P3H2: variants seen among roughly 807,000 people sequenced by gnomAD.
P3H2 encodes the protein prolyl 3-hydroxylase 2.
Under a neutral mutation model 87.0 loss-of-function variants are expected in P3H2, and 80 were observed. The ratio of observed to expected loss-of-function variants is 0.92; its 90% CI spans 0.77 to 1.11. P3H2 has a LOEUF of 1.11. Among genes scored for constraint, P3H2 ranks in the 50% least tolerant of loss-of-function variants. The pLI is 0.00. For missense variants in P3H2, 1,001 were observed against 923.9 expected, an observed-to-expected ratio of 1.08 and a Z score of -1.08; for synonymous variants, 367 against 359.3, an observed-to-expected ratio of 1.02 and a Z score of -0.24.
At chr3:190,097,186 T>C (rs1727613523) in intron 1 of P3H2, among the ~76,000 whole-genome samples, 1 of 152,210 alleles carries the variant, frequency 6.6e-6, no homozygotes, top group Admixed American at 6.5e-5. Flanking sequence ...TCCTTCTCAC[T>C]GTAATTCTCA....
chr3:189,957,430 C>T lies in P3H2; in HGVS notation c.*482G>A. The T allele has an allele frequency of 5.5e-6, 2 of 360,580 alleles. No homozygotes were observed. The highest frequency in any genetic ancestry group is 9.7e-6 in the Non-Finnish European group (2 of 206,928). The allele number at this position is 360,580 out of a possible 1,614,324, so 22.3% of individuals were successfully genotyped here. A position where few individuals can be genotyped will look rare whatever the true frequency, so the allele number is the denominator to read the frequency against. On this transcript the variant is annotated 3_prime_UTR_variant, in exon 15 of 15. Coordinates refer to ENST00000319332, the MANE Select transcript of P3H2 (RefSeq NM_018192.4). ...TATTCTCTCTAAGCTTTTGAATTTG[C>T]AGCAACTTAATTGTGTGTGTGTGTG...
At chr3:189,960,269 A>C (rs923041717) in intron 14 of P3H2, among the ~76,000 whole-genome samples, 3 of 151,942 alleles carry the variant, frequency 2.0e-5, no homozygotes, top group Non-Finnish European at 4.4e-5. Flanking sequence ...CATTTTCCAC[A>C]CATCATTGGT....
In P3H2 at chr3:190,052,073, A is replaced by AT. The variant is rs1725999750; in HGVS notation, c.481-56632dup. Among the ~76,000 whole-genome samples the AT allele has an allele frequency of 2.0e-5, 3 of 152,290 alleles. No individual in the cohort carries two copies. In the East Asian group the frequency reaches 5.8e-4, roughly 29 times the overall value. ...AGTGGAGAAATAGAATAAACAAATC[A>AT]TTTTTAAAATAAATTTTACTTTAAG... On this transcript the variant is annotated intron_variant, in intron 1 of 14. Transcript: ENST00000319332.
intron 1 of P3H2, among the ~76,000 whole-genome samples, chr3:190,109,142 T>C (rs1302521626): frequency 6.6e-6 from 1 of 152,242 alleles, no homozygotes; most frequent in Non-Finnish European, 1.5e-5. Context: ...AACATCCTAC[T>C]TTTCTTTCGT....
chr3:189,995,060 ATTT>A (rs1211929059), intron 2 of P3H2, among the ~76,000 whole-genome samples: 1 of 151,976 alleles, frequency 6.6e-6, no homozygotes, highest in African/African-American at 2.4e-5. Context: ...AAAATTTTTA[ATTT>A]TTTAGTTTTT....
intron 1 of P3H2, among the ~76,000 whole-genome samples, chr3:190,071,687 TAA>T (rs1455271919): frequency 6.6e-6 from 1 of 152,120 alleles, no homozygotes; most frequent in Non-Finnish European, 1.5e-5. Context: ...CTGCAGATGT[TAA>T]AGAGTCATTT....
intron 1 of P3H2, among the ~76,000 whole-genome samples, chr3:190,050,109 T>C (rs945022158): frequency 1.3e-5 from 2 of 152,178 alleles, no homozygotes; most frequent in South Asian, 2.1e-4. Context: ...TCATCCAGTC[T>C]CTGATTAAAT....
chr3:190,078,929 T>C (rs959301416), intron 1 of P3H2, among the ~76,000 whole-genome samples: 2 of 152,178 alleles, frequency 1.3e-5, no homozygotes, highest in Non-Finnish European at 2.9e-5. Context: ...AAGGACTGTT[T>C]ACACGAGACT....
chr3:190,022,785 G>A (rs2108941533), intron 1 of P3H2, among the ~76,000 whole-genome samples: 1 of 152,160 alleles, frequency 6.6e-6, no homozygotes, highest in East Asian at 1.9e-4. Context: ...CTCCTCCGAA[G>A]TTTCCGATTA....
chr3:189,973,856 A>T, intron 10 of P3H2, 53 bp downstream of exon 10: 1 of 1,332,994 alleles, frequency 7.5e-7, no homozygotes, highest in Non-Finnish European at 1.1e-6. Context: ...CCATTTACAG[A>T]AGCCTTAGGC....
intron 1 of P3H2, among the ~76,000 whole-genome samples, chr3:190,115,842 T>A (rs1402303461): frequency 1.3e-5 from 2 of 152,154 alleles, no homozygotes; most frequent in Admixed American, 1.3e-4. Flanking sequence ...CACCCCCTGT[T>A]TTAGGTATTT....
intron 1 of P3H2, among the ~76,000 whole-genome samples, chr3:190,085,814 T>C (rs1207632708): frequency 6.6e-6 from 1 of 152,206 alleles, no homozygotes; most frequent in African/African-American, 2.4e-5. Flanking sequence ...GTTGATAATA[T>C]TCTCTTTACC....
Position 189,957,845 on chromosome 3 carries a change from A to C in P3H2, c.*67T>G. The C allele has an allele frequency of 8.9e-7, 1 of 1,128,036 alleles. No homozygotes were observed. Among genetic ancestry groups the C allele is most frequent in the East Asian group, 2.5e-5 (1 of 40,498 alleles). The allele number at this position is 1,128,036 out of a possible 1,614,324, so 69.9% of individuals were successfully genotyped here. ...TTAATTTATACCATGGCTCTGTACAAAAATAAAAAGGTTCTCATAAGATTA... is the reference window on the plus strand; with the variant it reads ...TTAATTTATACCATGGCTCTGTACACAAATAAAAAGGTTCTCATAAGATTA... On this transcript the variant is annotated 3_prime_UTR_variant, in exon 15 of 15. Transcript: ENST00000319332.
intron 1 of P3H2, among the ~76,000 whole-genome samples, chr3:190,009,507 T>C (rs1724523639): frequency 6.6e-6 from 1 of 152,168 alleles, no homozygotes; most frequent in South Asian, 2.1e-4. Flanking sequence ...ACCTGCATAC[T>C]CACACTCCAG....
intron 1 of P3H2, among the ~76,000 whole-genome samples, chr3:190,079,530 T>G (rs1240240003): frequency 6.6e-6 from 1 of 152,160 alleles, no homozygotes; most frequent in Non-Finnish European, 1.5e-5. Context: ...AGAATCATTT[T>G]AGATATATGC....
intron 1 of P3H2, among the ~76,000 whole-genome samples, chr3:190,042,491 T>C (rs540596958): frequency 2.6e-5 from 4 of 152,220 alleles, no homozygotes; most frequent in South Asian, 4.1e-4. Context: ...CACAGGCATA[T>C]TGTGGAATAT....
chr3:190,076,812 G>A (rs1281704050), intron 1 of P3H2, among the ~76,000 whole-genome samples: 3 of 152,092 alleles, frequency 2.0e-5, no homozygotes, highest in African/African-American at 7.2e-5. Flanking sequence ...ACTGCAAAAA[G>A]TCTAGACTCT....
chr3:190,097,698 T>C (rs905316838), intron 1 of P3H2, among the ~76,000 whole-genome samples: 7 of 152,222 alleles, frequency 4.6e-5, no homozygotes, highest in African/African-American at 1.7e-4. Context: ...GATATTATCA[T>C]AAGAATTCAA....
intron 1 of P3H2, among the ~76,000 whole-genome samples, chr3:190,035,033 G>A (rs1417559475): frequency 1.3e-5 from 2 of 151,698 alleles, no homozygotes; most frequent in Non-Finnish European, 2.9e-5. Context: ...ATTATTATTA[G>A]AGACAGTGTT....
Sources: allele counts gnomAD v4.1 joint callset (sites outside exome capture counted in the v4.1 genomes callset), GRCh38; gene constraint gnomAD v4.1.1; transcripts MANE v1.5; gene names NCBI Gene and HGNC (gene_info 2026-07-23, HGNC 2026-07-21).